Variants in CADM2 observed in about 807,000 individuals in gnomAD.
CADM2 encodes cell adhesion molecule 2.
A neutral mutation model predicts 49.8 loss-of-function variants in CADM2; 12 were observed. The ratio of observed to expected loss-of-function variants is 0.24; its 90% CI spans 0.15 to 0.39. CADM2 has a LOEUF of 0.39. CADM2 is among the 10% of genes least tolerant of loss of function. The pLI, the probability that CADM2 is intolerant of heterozygous loss-of-function variation, is 1.00. For synonymous variants in CADM2, 214 were observed against 175.4 expected (o/e 1.22, Z -1.74); for missense variants, 378 against 492.3 (o/e 0.77, Z 2.20).
chr3:85,860,508 A>G (rs1006959497), intron 3 of CADM2, among the ~76,000 whole-genome samples: 1 of 152,198 alleles, frequency 6.6e-6, no homozygotes, highest in African/African-American at 2.4e-5. Context: ...TGAGTGGCTT[A>G]TAAACAACGG....
chr3:85,247,947 C>T (rs918779276), intron 1 of CADM2, among the ~76,000 whole-genome samples: 3 of 151,954 alleles, frequency 2.0e-5, no homozygotes, highest in African/African-American at 7.3e-5. Context: ...TGGTTTTATT[C>T]ATTAGAATTA....
At chr3:85,471,526 C>T (rs935040233) in intron 1 of CADM2, among the ~76,000 whole-genome samples, 10 of 151,878 alleles carry the variant, frequency 6.6e-5, no homozygotes, top group Admixed American at 2.6e-4. Context: ...AAAGGCAGAA[C>T]GTGAGGTATC....
chr3:85,465,681 C>T (rs2038461341), intron 1 of CADM2, among the ~76,000 whole-genome samples: 1 of 152,050 alleles, frequency 6.6e-6, no homozygotes, highest in South Asian at 2.1e-4. Flanking sequence ...TTACATTTAT[C>T]TTTGTTGTTT....
chr3:85,572,503 G>A (rs1383314583), intron 1 of CADM2, among the ~76,000 whole-genome samples: 2 of 152,060 alleles, frequency 1.3e-5, no homozygotes, highest in Non-Finnish European at 2.9e-5. Context: ...ACTTATTAGG[G>A]AAATTGGCGT....
intron 8 of CADM2, among the ~76,000 whole-genome samples, chr3:86,009,752 T>C (rs1310707683): frequency 6.6e-6 from 1 of 151,824 alleles, no homozygotes; most frequent in Non-Finnish European, 1.5e-5. Flanking sequence ...CATGTGTATA[T>C]TCTTGAACTT....
chr3:85,610,327 A>T (rs892881767), intron 1 of CADM2, among the ~76,000 whole-genome samples: 2 of 151,988 alleles, frequency 1.3e-5, no homozygotes, highest in Non-Finnish European at 2.9e-5. Context: ...AATATAATTG[A>T]TAAAATGTTT....
At chr3:85,751,451 G>A (rs1378539055) in intron 2 of CADM2, among the ~76,000 whole-genome samples, 2 of 152,064 alleles carry the variant, frequency 1.3e-5, no homozygotes, top group Non-Finnish European at 2.9e-5. Context: ...TATATTTGTT[G>A]AGAAATAGAA....
At chr3:85,551,748 A>C (rs1487843238) in intron 1 of CADM2, among the ~76,000 whole-genome samples, 1 of 152,152 alleles carries the variant, frequency 6.6e-6, no homozygotes, top group African/African-American at 2.4e-5. Flanking sequence ...TTGAAAATCT[A>C]ATGTAAACTC....
intron 8 of CADM2, chr3:86,013,654 G>C: frequency 6.2e-7 from 1 of 1,603,182 alleles, no homozygotes; most frequent in Non-Finnish European, 8.5e-7. Flanking sequence ...GACATAGCAG[G>C]GGAAGAGCAC....
chr3:85,231,128 T>G (rs184027133), intron 1 of CADM2, among the ~76,000 whole-genome samples: 210 of 152,328 alleles, frequency 1.4e-3, no homozygotes, highest in Non-Finnish European at 2.2e-3. Flanking sequence ...AATATTGAAC[T>G]AGAACTTATA....
chr3:85,233,577 A>G (rs1266555841), intron 1 of CADM2, among the ~76,000 whole-genome samples: 1 of 152,152 alleles, frequency 6.6e-6, no homozygotes, highest in African/African-American at 2.4e-5. Flanking sequence ...AGCAAAAGTA[A>G]CTTGATTTAG....
intron 1 of CADM2, among the ~76,000 whole-genome samples, chr3:85,127,622 T>A (rs2039079731): frequency 6.6e-6 from 1 of 152,234 alleles, no homozygotes; most frequent in Non-Finnish European, 1.5e-5. Flanking sequence ...GCTTTTTCCT[T>A]TTAAAATTTC....
chr3:85,255,594 C>T (rs12486784), intron 1 of CADM2, among the ~76,000 whole-genome samples: 32,449 of 151,696 alleles, frequency 0.21, 5,895 homozygotes, highest in African/African-American at 0.5. Flanking sequence ...CTTGTGAGAA[C>T]TGAGTGAAAA....
intron 6 of CADM2, among the ~76,000 whole-genome samples, chr3:85,914,500 G>T (rs1054352471): frequency 6.6e-6 from 1 of 152,076 alleles, no homozygotes; most frequent in African/African-American, 2.4e-5. Flanking sequence ...AGGATCAACA[G>T]CATTTTAATT....
intron 8 of CADM2, among the ~76,000 whole-genome samples, chr3:86,043,124 T>C (rs971269844): frequency 6.6e-6 from 1 of 152,150 alleles, no homozygotes; most frequent in Admixed American, 6.5e-5. Context: ...GCCAATATCG[T>C]ACTGAATGGG....
chr3:85,022,292 G>A (rs1006327362), intron 1 of CADM2, among the ~76,000 whole-genome samples: 2 of 152,138 alleles, frequency 1.3e-5, no homozygotes, highest in Non-Finnish European at 2.9e-5. Flanking sequence ...GATTGTTTGA[G>A]TTTATGCTTG....
chr3:86,049,467 G>T (rs572309560), intron 8 of CADM2, among the ~76,000 whole-genome samples: 1 of 151,700 alleles, frequency 6.6e-6, no homozygotes, highest in Non-Finnish European at 1.5e-5. Flanking sequence ...GTAGAGATGG[G>T]GTTTCACCAT....
chr3:85,279,784 A>G (rs567734336), intron 1 of CADM2, among the ~76,000 whole-genome samples: 10 of 151,710 alleles, frequency 6.6e-5, no homozygotes, highest in African/African-American at 2.2e-4. Context: ...TTCTCTACAT[A>G]CTTACCATCA....
chr3:85,929,620 A>G (rs1425213788), intron 6 of CADM2, among the ~76,000 whole-genome samples: 1 of 151,886 alleles, frequency 6.6e-6, no homozygotes, highest in Non-Finnish European at 1.5e-5. Flanking sequence ...ATTCATTTTG[A>G]TATGTAACAA....
Sources: allele counts gnomAD v4.1 joint callset (sites outside exome capture counted in the v4.1 genomes callset), GRCh38; gene constraint gnomAD v4.1.1; transcripts MANE v1.5; gene names NCBI Gene and HGNC (gene_info 2026-07-23, HGNC 2026-07-21).